Variants in NRG3 observed in about 807,000 individuals in gnomAD.
The protein encoded by NRG3 is pro-neuregulin-3, membrane-bound isoform.
Under a neutral mutation model 66.9 loss-of-function variants are expected in NRG3, and 31 were observed. The observed-to-expected ratio is 0.46, with a 90% CI of 0.35 to 0.63. The LOEUF is 0.63. Ranked by LOEUF, NRG3 falls within the 20% of genes least tolerant of loss-of-function variation. The probability of loss-of-function intolerance (pLI) is 0.00; values close to 1 mark genes in which losing one functional copy is unlikely to be tolerated. For synonymous variants in NRG3, 393 were observed against 359.4 expected (o/e 1.09, Z -1.06); for missense variants, 910 against 878.9 (o/e 1.04, Z -0.45).
intron 3 of NRG3, among the ~76,000 whole-genome samples, chr10:82,811,415 T>C (rs1313448687): frequency 6.6e-6 from 1 of 152,188 alleles, no homozygotes; most frequent in East Asian, 1.9e-4. Flanking sequence ...TGTGGCGACC[T>C]TCTAAAGTTT....
intron 1 of NRG3, among the ~76,000 whole-genome samples, chr10:81,960,434 T>C (rs1850247321): frequency 6.6e-6 from 1 of 152,160 alleles, no homozygotes; most frequent in South Asian, 2.1e-4. Context: ...CGAGTTAGTT[T>C]GCATTTTCTG....
At chr10:82,017,661 G>T (rs573716508) in intron 1 of NRG3, among the ~76,000 whole-genome samples, 4,264 of 152,220 alleles carry the variant, frequency 0.028, 213 homozygotes, top group African/African-American at 0.097. Context: ...TCTCATTGTG[G>T]TTTTGATTTG....
intron 1 of NRG3, among the ~76,000 whole-genome samples, chr10:82,332,443 C>G (rs11193778): frequency 0.15 from 22,157 of 152,062 alleles, 1,742 homozygotes; most frequent in East Asian, 0.28. Context: ...CTTTCACAAA[C>G]TAACACATCT....
At chr10:82,092,963 A>T (rs1180240219) in intron 1 of NRG3, among the ~76,000 whole-genome samples, 1 of 152,170 alleles carries the variant, frequency 6.6e-6, no homozygotes, top group Admixed American at 6.6e-5. Flanking sequence ...TCCATGTGCA[A>T]TGAAGGCCCA....
intron 1 of NRG3, among the ~76,000 whole-genome samples, chr10:82,325,610 C>A (rs530884284): frequency 1.4e-5 from 2 of 145,414 alleles, no homozygotes; most frequent in Non-Finnish European, 3.0e-5. Context: ...AATATGATAA[C>A]GTTTCCTTTT....
intron 1 of NRG3, among the ~76,000 whole-genome samples, chr10:82,077,796 A>G (rs762929766): frequency 6.6e-6 from 1 of 152,224 alleles, no homozygotes; most frequent in African/African-American, 2.4e-5. Flanking sequence ...TATTGAGACT[A>G]TGTATTTAGA....
rs144046078 is a variant in NRG3 at position 81,881,186 on chromosome 10, GT to G, written c.823+5035del. Among the ~76,000 whole-genome samples the G allele has an allele frequency of 8.0e-3, 1,101 of 136,990 alleles. 9 individuals carry two copies. The highest frequency in any genetic ancestry group is 0.021 in the African/African-American group (804 of 37,486). 89.9% of individuals were successfully genotyped at this position (136,990 alleles called of 152,430 possible). ...TTTCAGGCTTTTGTGTTTTTTTTGT[GT>G]TTTTTTTTTTTGTTTTTTTGCCCTT... On this transcript the variant is annotated intron_variant, in intron 1 of 8. Transcript: ENST00000372141.
intron 2 of NRG3, among the ~76,000 whole-genome samples, chr10:82,737,714 G>A (rs982747145): frequency 6.6e-6 from 1 of 152,028 alleles, no homozygotes. Flanking sequence ...CTGGGGCCTC[G>A]CCGTATTTGT....
intron 3 of NRG3, among the ~76,000 whole-genome samples, chr10:82,826,832 A>G (rs2135625029): frequency 6.6e-6 from 1 of 152,176 alleles, no homozygotes; most frequent in African/African-American, 2.4e-5. Flanking sequence ...GGGAGAGGAC[A>G]TACCTTGTAC....
intron 1 of NRG3, among the ~76,000 whole-genome samples, chr10:82,030,345 A>G (rs2062507513): frequency 6.6e-6 from 1 of 152,138 alleles, no homozygotes; most frequent in Non-Finnish European, 1.5e-5. Context: ...ATCCAATTCA[A>G]TGAATGGTGG....
intron 1 of NRG3, among the ~76,000 whole-genome samples, chr10:82,055,512 T>G (rs2063802896): frequency 6.7e-6 from 1 of 149,738 alleles, no homozygotes. Flanking sequence ...CAAAAAACAG[T>G]TTTAGTGTAG....
intron 2 of NRG3, among the ~76,000 whole-genome samples, chr10:82,522,765 A>G (rs1194246639): frequency 6.6e-6 from 1 of 152,156 alleles, no homozygotes; most frequent in African/African-American, 2.4e-5. Flanking sequence ...TTTATTTCTA[A>G]TAGCTTTATT....
chr10:82,926,771 G>A (rs1457570027), intron 4 of NRG3, among the ~76,000 whole-genome samples: 3 of 152,214 alleles, frequency 2.0e-5, no homozygotes, highest in Non-Finnish European at 4.4e-5. Context: ...CTCTCTCACA[G>A]AGTCTGTGGC....
chr10:82,553,435 T>C, intron 2 of NRG3, among the ~76,000 whole-genome samples: 1 of 152,152 alleles, frequency 6.6e-6, no homozygotes, highest in East Asian at 1.9e-4. Flanking sequence ...CTTTGGAGTC[T>C]ACAGTGCATC....
intron 1 of NRG3, among the ~76,000 whole-genome samples, chr10:82,021,422 A>AT (rs2062054855): frequency 6.6e-6 from 1 of 152,116 alleles, no homozygotes. Context: ...AAACAAGTTA[A>AT]TTTTTCCTGG....
chr10:82,561,322 C>T (rs906971621), intron 2 of NRG3, among the ~76,000 whole-genome samples: 1 of 152,068 alleles, frequency 6.6e-6, no homozygotes. Flanking sequence ...TTAAAATTTA[C>T]AGTATGCCAT....
intron 1 of NRG3, among the ~76,000 whole-genome samples, chr10:82,354,928 A>G (rs1370861656): frequency 6.6e-6 from 1 of 152,222 alleles, no homozygotes; most frequent in Non-Finnish European, 1.5e-5. Context: ...ATTGGTATTC[A>G]CGGGAACATA....
rs1371868135 is a variant in NRG3, at chr10:82,199,705, T to A, written c.824-159034T>A. Among the ~76,000 whole-genome samples, 6 of 152,178 alleles carry A rather than the reference T, an allele frequency of 3.9e-5. No individual in the cohort carries two copies. In the East Asian group the frequency reaches 1.2e-3, roughly 29 times the overall value. ...TAGGTTAGCACCTGTCATCAATATTTGGAGCACTGCCTATAAAACCAGACT... is the reference window on the plus strand; with the variant it reads ...TAGGTTAGCACCTGTCATCAATATTAGGAGCACTGCCTATAAAACCAGACT... On this transcript the variant is annotated intron_variant, in intron 1 of 8. Transcript: ENST00000372141.
At chr10:81,933,007 G>T (rs1193181247) in intron 1 of NRG3, among the ~76,000 whole-genome samples, 1 of 151,550 alleles carries the variant, frequency 6.6e-6, no homozygotes, top group Non-Finnish European at 1.5e-5. Flanking sequence ...TACTTGGGAG[G>T]CTGAGGCAGA....
Sources: gnomAD v4.1 joint callset for allele counts (sites outside exome capture counted in the v4.1 genomes callset) on GRCh38, gnomAD v4.1.1 for gene constraint, MANE v1.5 for transcripts, NCBI Gene and HGNC (gene_info 2026-07-23, HGNC 2026-07-21) for gene names.